Variants in ITGB4 observed in about 807,000 individuals in gnomAD.
ITGB4 encodes integrin beta-4.
A neutral mutation model predicts 207.6 loss-of-function variants in ITGB4; 159 were observed. That is an observed-to-expected ratio of 0.77 (90% CI 0.67 to 0.87). The LOEUF (loss-of-function observed/expected upper bound fraction) is 0.87. Among genes scored for constraint, ITGB4 ranks in the 40% least tolerant of loss-of-function variants. The pLI, the probability that ITGB4 is intolerant of heterozygous loss-of-function variation, is 0.00. For missense variants in ITGB4, 2,278 were observed against 2,546.8 expected (o/e 0.89, Z 2.27); for synonymous variants, 1,020 against 1,062.7 (o/e 0.96, Z 0.78).
At chr17:75,744,036 G>A (rs1383565083) in intron 26 of ITGB4, among the ~76,000 whole-genome samples, 175 bp downstream of exon 26, 2 of 151,860 alleles carry the variant, frequency 1.3e-5, no homozygotes, top group East Asian at 3.9e-4. Context: ...TGGCAGGGGA[G>A]TCTCACCTGC....
chr17:75,750,948 C>T lies in ITGB4; in HGVS notation c.3656-26C>T, dbSNP rs574101392. Reference sequence around the variant, plus strand: ...CTCCCTCCCTCTGCCACTGACAGCACTCTTCCTGTATTCCCCGCTCCCTAG... The same window carrying T: ...CTCCCTCCCTCTGCCACTGACAGCATTCTTCCTGTATTCCCCGCTCCCTAG... On this transcript the variant is annotated intron_variant, in intron 29 of 39. Transcript: ENST00000200181. This position sits in a 1 kb window ranked among gnomAD's most constrained non-coding sequence, Gnocchi z 5.5. The T allele has an allele frequency of 4.3e-5, 70 of 1,613,580 alleles. No homozygotes were observed. The South Asian group carries it at 7.0e-4, about 16-fold the overall frequency.
Position 75,757,425 on chromosome 17 carries a change from C to A in ITGB4, c.5339C>A (p.Thr1780Asn), listed in dbSNP as rs752629719. ...GCCTCCTCCTCCACAGATGGGCTGACCCTGGGGGCCCAGCACCTGGAGGCA... is the reference window on the plus strand; with the variant it reads ...GCCTCCTCCTCCACAGATGGGCTGAACCTGGGGGCCCAGCACCTGGAGGCA... ...ATEPFLVDGL[T>N]LGAQHLEAGG... Residue 1780 changes from threonine to asparagine, a missense_variant, in exon 40 of 40, where the codon ACC becomes AAC. Transcript: ENST00000200181. 1.2e-6 allele frequency: 2 copies of A among 1,613,098 alleles called. No individual in the cohort carries two copies. The highest frequency in any genetic ancestry group is 2.2e-5 in the East Asian group (1 of 44,898).
intron 35 of ITGB4, 116 bp from the exon 36 acceptor site, chr17:75,756,313 C>G (rs1307275618): frequency 1.7e-5 from 19 of 1,138,236 alleles, no homozygotes; most frequent in Non-Finnish European, 2.3e-5. Flanking sequence ...ACCCAAACCA[C>G]AGCTAGTCCT....
Position 75,739,903 on chromosome 17 carries a change from GACCACT to G in ITGB4, c.2281_2286del (p.His761_Tyr762del). 6.2e-7 allele frequency: 1 copy of G among 1,613,544 alleles called. No homozygotes were observed. The highest frequency in any genetic ancestry group is 8.5e-7 in the Non-Finnish European group (1 of 1,180,024). Reference sequence around the variant, plus strand: ...AGGTCACATGGTGGGCTTTAAGGAAGACCACTACATGCTGCGGGAGAACCTGATGGC... The same window carrying G: ...AGGTCACATGGTGGGCTTTAAGGAAGACATGCTGCGGGAGAACCTGATGGC... On this transcript the variant is annotated inframe_deletion, in exon 20 of 40. Coordinates refer to ENST00000200181, the MANE Select transcript of ITGB4 (RefSeq NM_000213.5). This position sits in a 1 kb window ranked among gnomAD's most constrained non-coding sequence, Gnocchi z 5.4.
chr17:75,731,741 G>C lies in ITGB4; in HGVS notation c.1216-71G>C. On this transcript the variant is annotated intron_variant, in intron 10 of 39. Coordinates refer to ENST00000200181, the MANE Select transcript of ITGB4 (RefSeq NM_000213.5). The surrounding 1 kb of genome is among the most constrained non-coding windows in gnomAD (Gnocchi z 6.8). ...TCTCCTAGGAACTTGGGGGCCGAGG[G>C]CCTTCAGGCATCGATGGCCCCCTGG... 2.7e-6 allele frequency: 4 copies of C among 1,478,088 alleles called. No individual in the cohort carries two copies. The highest frequency in any genetic ancestry group is 3.6e-6 in the Non-Finnish European group (4 of 1,102,092). 91.6% of individuals were successfully genotyped at this position (1,478,088 alleles called of 1,614,324 possible).
At position 75,752,317 on chromosome 17, in the gene ITGB4, A is replaced by G. The variant is rs373174042; in HGVS notation, c.3937A>G (p.Ile1313Val). 6.2e-7 allele frequency: 1 copy of G among 1,612,982 alleles called. No individual in the cohort carries two copies. Among genetic ancestry groups the G allele is most frequent in the South Asian group, 1.1e-5 (1 of 91,074 alleles). Reference sequence around the variant, plus strand: ...CGGCTGGGGGCCTGAGCGGGAGGCCATCATCAACCTGGCCACCCAGCCCAA... The same window carrying G: ...CGGCTGGGGGCCTGAGCGGGAGGCCGTCATCAACCTGGCCACCCAGCCCAA... ...GAGWGPEREAIINLATQPKRP... is the reference protein window; with the variant it reads ...GAGWGPEREAVINLATQPKRP... The change falls in exon 31 of 40, where the codon ATC becomes GTC. Residue 1313 changes from isoleucine to valine, a missense_variant. Ile to Val is a conservative substitution (Grantham distance 29, BLOSUM62 3). Transcript: ENST00000200181.
At position 75,737,791 on chromosome 17, in the gene ITGB4, G is replaced by A; in HGVS notation, c.2220+147G>A. 3 of 715,858 alleles carry A rather than the reference G, an allele frequency of 4.2e-6. No individual in the cohort carries two copies. The East Asian group carries it at 8.2e-5, about 20-fold the overall frequency. 44.3% of individuals were successfully genotyped at this position (715,858 alleles called of 1,614,324 possible). On this transcript the variant is annotated intron_variant, in intron 18 of 39. Coordinates refer to ENST00000200181, the MANE Select transcript of ITGB4 (RefSeq NM_000213.5). ...CCCTTCCTGGGTCCCCACCTCCCCA[G>A]GGTCCCCATCCCAACAGGGTCCCCA...
Position 75,756,310 on chromosome 17 carries a change from C to T in ITGB4, c.4709-119C>T, listed in dbSNP as rs541616017. 5 of 1,118,358 alleles carry T rather than the reference C, an allele frequency of 4.5e-6. No homozygotes were observed. In the South Asian group the frequency reaches 5.4e-5, roughly 12 times the overall value. 69.3% of individuals were successfully genotyped at this position (1,118,358 alleles called of 1,614,324 possible). On this transcript the variant is annotated intron_variant, in intron 35 of 39. Transcript: ENST00000200181. Reference sequence around the variant, plus strand: ...ATACTGTACCCAACCTGTACCCAAACCACAGCTAGTCCTGGGTGGGTGATA... The same window carrying T: ...ATACTGTACCCAACCTGTACCCAAATCACAGCTAGTCCTGGGTGGGTGATA...
chr17:75,757,133 C>A (rs748712553), intron 38 of ITGB4, 26 bp downstream of exon 38: 43 of 1,612,732 alleles, frequency 2.7e-5, no homozygotes, highest in Non-Finnish European at 3.6e-5. Flanking sequence ...TTCCTTCACC[C>A]CCACCCCTCC....
chr17:75,751,477 A>G, intron 30 of ITGB4: 1 of 337,338 alleles, frequency 3.0e-6, no homozygotes, highest in South Asian at 2.8e-5. Context: ...TCTGAATTTC[A>G]GATAGCACTT....
Position 75,732,240 on chromosome 17 carries a change from G to T in ITGB4, c.1454+1G>T, listed in dbSNP as rs1437930772. The T allele has an allele frequency of 6.2e-7, 1 of 1,613,938 alleles. No homozygotes were observed. ...GACAGTGTGTGTGCAGCGAGGGCTG[G>T]TGAGTGGGGAAGGGAGTTGGGCACC... On this transcript the variant is annotated splice_donor_variant, in intron 12 of 39. Coordinates refer to ENST00000200181, the MANE Select transcript of ITGB4 (RefSeq NM_000213.5). LOFTEE classifies it high-confidence loss of function. This position sits in a 1 kb window ranked among gnomAD's most constrained non-coding sequence, Gnocchi z 5.3.
Position 75,740,879 on chromosome 17 carries a change from G to T in ITGB4, c.2609+28G>T. ...GAGTCCCGGGGTGCCCGGGTTGGGT[G>T]GGGGAGCCGCTCCTACCGGGACTCC... On this transcript the variant is annotated intron_variant, in intron 22 of 39. Transcript: ENST00000200181. This position sits in a 1 kb window ranked among gnomAD's most constrained non-coding sequence, Gnocchi z 5.9. The T allele has an allele frequency of 6.2e-7, 1 of 1,613,440 alleles. No individual in the cohort carries two copies. Among genetic ancestry groups the T allele is most frequent in the Non-Finnish European group, 8.5e-7 (1 of 1,179,860 alleles).
chr17:75,730,183 G>A (rs1349915959), intron 7 of ITGB4, 58 bp from the exon 8 acceptor site: 33 of 1,607,666 alleles, frequency 2.1e-5, no homozygotes, highest in Non-Finnish European at 2.4e-5. Flanking sequence ...ACACGACGCC[G>A]TGATGCGTGT....
intron 18 of ITGB4, among the ~76,000 whole-genome samples, chr17:75,738,879 G>A (rs2061042338): frequency 6.6e-6 from 1 of 152,214 alleles, no homozygotes; most frequent in Admixed American, 6.5e-5. Context: ...TCAGAAAGCT[G>A]AGGCAGGAGG....
intron 36 of ITGB4, 39 bp from the exon 37 acceptor site, chr17:75,756,665 C>T (rs1047820713): frequency 6.2e-7 from 1 of 1,613,178 alleles, no homozygotes; most frequent in Non-Finnish European, 8.5e-7. Context: ...ATGCCCACCA[C>T]CCACCCACAG....
At position 75,727,937 on chromosome 17, in the gene ITGB4, G is replaced by A; in HGVS notation, c.469+82G>A. The stretch of plus-strand genomic sequence containing the variant: ...GCTTGGGAGGCCAGGACTCAGGACA[G>A]CTGCACCCACCCAGAAGGAAACACT... On this transcript the variant is annotated intron_variant, in intron 5 of 39. Coordinates refer to ENST00000200181, the MANE Select transcript of ITGB4 (RefSeq NM_000213.5). This position sits in a 1 kb window ranked among gnomAD's most constrained non-coding sequence, Gnocchi z 6.0. 7.8e-7 allele frequency: 1 copy of A among 1,274,432 alleles called. No homozygotes were observed. The highest frequency in any genetic ancestry group is 1.1e-6 in the Non-Finnish European group (1 of 885,824). The allele number at this position is 1,274,432 out of a possible 1,614,324, so 78.9% of individuals were successfully genotyped here.
intron 7 of ITGB4, among the ~76,000 whole-genome samples, chr17:75,730,030 C>G (rs1276168098): frequency 1.3e-5 from 2 of 152,244 alleles, no homozygotes; most frequent in African/African-American, 2.4e-5. Flanking sequence ...GCCCCAGCGC[C>G]TTGCGGGGGC....
intron 23 of ITGB4, 82 bp downstream of exon 23, chr17:75,741,087 A>G (rs2061099660): frequency 6.7e-7 from 1 of 1,482,968 alleles, no homozygotes; most frequent in Non-Finnish European, 9.3e-7. Context: ...GTCCGTCCCT[A>G]CTCCATCTCC....
rs536159625 is a variant in ITGB4 at position 75,754,364 on chromosome 17, G to T, written c.4319-212G>T. ...CAGTGCTCACACCGATAGAGTGGCC[G>T]GCCAGAGGATATGGGCTGTGGAAGC... is the stretch of plus-strand genomic sequence containing the variant. On this transcript the variant is annotated intron_variant, in intron 33 of 39. Transcript: ENST00000200181. 298 of 621,880 alleles carry T rather than the reference G, an allele frequency of 4.8e-4. 5 individuals carry two copies. In the Admixed American group the frequency reaches 8.0e-3, roughly 17 times the overall value. The allele number at this position is 621,880 out of a possible 1,614,324, so 38.5% of individuals were successfully genotyped here.
Sources: allele counts gnomAD v4.1 joint callset (sites outside exome capture counted in the v4.1 genomes callset), GRCh38; gene constraint gnomAD v4.1.1; non-coding constraint Gnocchi (gnomAD v3.1); transcripts MANE v1.5; gene names NCBI Gene and HGNC (gene_info 2026-07-23, HGNC 2026-07-21).